The following SLC35A3 variants were observed in gnomAD, a reference collection of about 807,000 sequenced individuals.
The protein encoded by SLC35A3 is UDP-N-acetylglucosamine transporter.
In SLC35A3, 26 loss-of-function variants were observed where a neutral mutation model predicts 39.0. The observed-to-expected ratio is 0.67, with a 90% CI of 0.49 to 0.92. SLC35A3 has a LOEUF of 0.92. Ranked by LOEUF, SLC35A3 falls within the 40% of genes least tolerant of loss-of-function variation. SLC35A3 has a pLI of 0.00. For synonymous variants in SLC35A3, 135 were observed against 133.1 expected (o/e 1.01, Z -0.10); for missense variants, 299 against 371.6 (o/e 0.80, Z 1.61).
At chr1:100,013,253 A>G (rs2101394034) in intron 5 of SLC35A3, among the ~76,000 whole-genome samples, 1 of 152,014 alleles carries the variant, frequency 6.6e-6, no homozygotes, top group Non-Finnish European at 1.5e-5. Flanking sequence ...CTGAGATGGG[A>G]GGATTGCTTG....
At position 100,028,225 on chromosome 1, in the gene SLC35A3, C is replaced by T. The variant is rs956244318; in HGVS notation, c.*5749C>T. 3.3e-5 allele frequency: 5 copies of T among 151,486 alleles called. No individual in the cohort carries two copies. The highest frequency in any genetic ancestry group is 7.3e-5 in the African/African-American group (3 of 41,156). 9.4% of individuals were successfully genotyped at this position (151,486 alleles called of 1,614,324 possible). A position where few individuals can be genotyped will look rare whatever the true frequency, so the allele number is the denominator to read the frequency against. Reference sequence around the variant, plus strand: ...AAGTGCTGGGTTTACAGGCGTGAGCCGCTGCGCCCGGCCAATACTGCCTTT... The same window carrying T: ...AAGTGCTGGGTTTACAGGCGTGAGCTGCTGCGCCCGGCCAATACTGCCTTT... On this transcript the variant is annotated 3_prime_UTR_variant, in exon 8 of 8. Coordinates refer to ENST00000533028, the MANE Select transcript of SLC35A3 (RefSeq NM_012243.3).
chr1:100,017,188 A>T (rs1180456714), intron 6 of SLC35A3, among the ~76,000 whole-genome samples: 1 of 152,202 alleles, frequency 6.6e-6, no homozygotes, highest in East Asian at 1.9e-4. Context: ...GAAAAAGCAC[A>T]ATTAAAACTG....
chr1:100,015,630 G>T (rs1660045390), intron 6 of SLC35A3: 2 of 449,520 alleles, frequency 4.4e-6, no homozygotes, highest in Admixed American at 8.8e-5. Flanking sequence ...GAACTTTGTG[G>T]TTTTAAATGT....
chr1:99,985,231 T>G (rs1657681012), intron 1 of SLC35A3, among the ~76,000 whole-genome samples: 1 of 152,222 alleles, frequency 6.6e-6, no homozygotes, highest in Non-Finnish European at 1.5e-5. Flanking sequence ...TGATCCACCT[T>G]GAGTTGATTT....
rs1002367357 is a variant in SLC35A3 at position 100,027,898 on chromosome 1, A to G, written c.*5422A>G. Reference sequence around the variant, plus strand: ...ATCACAATCCTCAAGTTCCACTGCTATGCAAAAGTATCTTAGAATCTGAAT... The same window carrying G: ...ATCACAATCCTCAAGTTCCACTGCTGTGCAAAAGTATCTTAGAATCTGAAT... On this transcript the variant is annotated 3_prime_UTR_variant, in exon 8 of 8. Transcript: ENST00000533028. 6.7e-6 allele frequency: 1 copy of G among 149,252 alleles called. No homozygotes were observed. The highest frequency in any genetic ancestry group is 2.5e-5 in the African/African-American group (1 of 40,512). The allele number at this position is 149,252 out of a possible 1,614,324, so 9.2% of individuals were successfully genotyped here. A position where few individuals can be genotyped will look rare whatever the true frequency, so the allele number is the denominator to read the frequency against.
chr1:100,005,562 G>T (rs1486609912), intron 3 of SLC35A3, among the ~76,000 whole-genome samples: 6 of 151,840 alleles, frequency 4.0e-5, no homozygotes, highest in Admixed American at 1.3e-4. Context: ...TTATGTGACT[G>T]GCTTATTTCA....
At chr1:100,005,200 G>A (rs1659139116) in intron 3 of SLC35A3, among the ~76,000 whole-genome samples, 4 of 152,126 alleles carry the variant, frequency 2.6e-5, no homozygotes, top group Admixed American at 2.6e-4. Flanking sequence ...AAGACTGATG[G>A]AGATTCCCTT....
At chr1:99,990,381 C>T (rs569722933) in intron 1 of SLC35A3, among the ~76,000 whole-genome samples, 1 of 152,186 alleles carries the variant, frequency 6.6e-6, no homozygotes, top group South Asian at 2.1e-4. Context: ...CGAGACCATC[C>T]TGGCCAACAT....
chr1:100,011,736 T>C (rs2101374455), intron 5 of SLC35A3, among the ~76,000 whole-genome samples: 1 of 133,944 alleles, frequency 7.5e-6, no homozygotes, highest in East Asian at 2.3e-4. Flanking sequence ...ATTTATTTAT[T>C]TTTGACAGAT....
intron 2 of SLC35A3, among the ~76,000 whole-genome samples, chr1:99,998,165 T>TG (rs1658534714): frequency 6.6e-6 from 1 of 151,642 alleles, no homozygotes; most frequent in Admixed American, 6.6e-5. Context: ...CTTTTTTTTT[T>TG]TTTTTTGAGA....
At chr1:99,986,444 A>C (rs1057093122) in intron 1 of SLC35A3, among the ~76,000 whole-genome samples, 3 of 151,878 alleles carry the variant, frequency 2.0e-5, no homozygotes, top group African/African-American at 7.3e-5. Context: ...CTACTTTTCA[A>C]CTTTTAAAAA....
At chr1:100,020,789 A>T (rs952304126) in intron 7 of SLC35A3, among the ~76,000 whole-genome samples, 4 of 152,140 alleles carry the variant, frequency 2.6e-5, no homozygotes, top group African/African-American at 9.7e-5. Context: ...AATTATTATG[A>T]ATAAGCATTT....
At chr1:100,002,278 T>C (rs1486313845) in intron 3 of SLC35A3, among the ~76,000 whole-genome samples, 4 of 152,188 alleles carry the variant, frequency 2.6e-5, no homozygotes, top group African/African-American at 9.6e-5. Context: ...TTTTAAGTGC[T>C]GATTGAATCC....
At chr1:100,011,344 T>C in intron 4 of SLC35A3, 21 bp from the exon 5 acceptor site, 1 of 1,349,986 alleles carries the variant, frequency 7.4e-7, no homozygotes, top group Non-Finnish European at 1.0e-6. Context: ...AAACTTCAAT[T>C]TTATTTTTCT....
intron 1 of SLC35A3, among the ~76,000 whole-genome samples, chr1:99,975,245 C>A (rs977429904): frequency 3.3e-5 from 5 of 152,068 alleles, no homozygotes; most frequent in African/African-American, 1.2e-4. Flanking sequence ...CCAGCCCCTG[C>A]ATTTGTCTTT....
chr1:99,970,952 C>G (rs954534901), intron 1 of SLC35A3, among the ~76,000 whole-genome samples: 1 of 152,162 alleles, frequency 6.6e-6, no homozygotes, highest in African/African-American at 2.4e-5. Flanking sequence ...TTGATTCTAT[C>G]TCTTCAGCAT....
intron 3 of SLC35A3, 140 bp downstream of exon 3, chr1:99,999,555 A>G (rs574489020): frequency 5.8e-6 from 3 of 513,308 alleles, no homozygotes; most frequent in African/African-American, 4.0e-5. Flanking sequence ...TAGGATATTC[A>G]TCTCCACAAA....
rs1006208557 is a variant in SLC35A3 at position 100,029,959 on chromosome 1, A to G, written c.*7483A>G. 1 of 152,196 alleles carries G rather than the reference A, an allele frequency of 6.6e-6. No homozygotes were observed. The highest frequency in any genetic ancestry group is 1.5e-5 in the Non-Finnish European group (1 of 68,032). The allele number at this position is 152,196 out of a possible 1,614,324, so 9.4% of individuals were successfully genotyped here. ...GGACTATTTTAAACTACAAATTTAA[A>G]ACATGGTTTATAAACCTTTTACCTG... On this transcript the variant is annotated 3_prime_UTR_variant, in exon 8 of 8. Coordinates refer to ENST00000533028, the MANE Select transcript of SLC35A3 (RefSeq NM_012243.3).
chr1:100,014,939 A>G (rs1659958184), intron 5 of SLC35A3, among the ~76,000 whole-genome samples: 1 of 152,110 alleles, frequency 6.6e-6, no homozygotes, highest in Admixed American at 6.6e-5. Flanking sequence ...CAGGTGGATC[A>G]TGAGGTCAGG....
Sources: allele counts gnomAD v4.1 joint callset (sites outside exome capture counted in the v4.1 genomes callset), GRCh38; gene constraint gnomAD v4.1.1; transcripts MANE v1.5; gene names NCBI Gene and HGNC (gene_info 2026-07-23, HGNC 2026-07-21).